PLCG2: variants seen among roughly 807,000 people sequenced by gnomAD.
The protein encoded by PLCG2 is 1-phosphatidylinositol 4,5-bisphosphate phosphodiesterase gamma-2.
A neutral mutation model predicts 175.6 loss-of-function variants in PLCG2; 69 were observed. The observed-to-expected ratio is 0.39, with a 90% CI of 0.32 to 0.48. PLCG2 has a LOEUF of 0.48. PLCG2 is among the 20% of genes least tolerant of loss of function. The pLI, the probability that PLCG2 is intolerant of heterozygous loss-of-function variation, is 0.91. For synonymous variants in PLCG2, 827 were observed against 624.0 expected (o/e 1.33, Z -4.85); for missense variants, 1,798 against 1,650.9 (o/e 1.09, Z -1.54).
intron 2 of PLCG2, among the ~76,000 whole-genome samples, chr16:81,849,609 A>G (rs1210750126): frequency 6.6e-6 from 1 of 151,976 alleles, no homozygotes; most frequent in Non-Finnish European, 1.5e-5. Context: ...AAATACACAT[A>G]CACACACACA....
At chr16:81,942,696 C>T (rs751512978) in intron 30 of PLCG2, among the ~76,000 whole-genome samples, 10 of 151,956 alleles carry the variant, frequency 6.6e-5, no homozygotes, top group South Asian at 2.1e-4. Context: ...ACTTTGAGGC[C>T]GAGAGACTAT....
At chr16:81,802,566 CT>C (rs922881500) in intron 2 of PLCG2, among the ~76,000 whole-genome samples, 1 of 151,988 alleles carries the variant, frequency 6.6e-6, no homozygotes, top group South Asian at 2.1e-4. Flanking sequence ...TGTTTTCTTT[CT>C]TTTTTTGTTT....
chr16:81,941,208 T>C (rs1910926150), intron 30 of PLCG2, among the ~76,000 whole-genome samples: 1 of 152,166 alleles, frequency 6.6e-6, no homozygotes, highest in Admixed American at 6.5e-5. Context: ...AGGAGCCCAG[T>C]TTCTGAGCAG....
chr16:81,891,449 G>A, intron 10 of PLCG2, 23 bp from the exon 11 acceptor site: 1 of 1,261,446 alleles, frequency 7.9e-7, no homozygotes, highest in Non-Finnish European at 1.2e-6. Flanking sequence ...TGATGATTCG[G>A]TCTTCGTGTT....
intron 13 of PLCG2, among the ~76,000 whole-genome samples, chr16:81,897,206 T>A (rs1908932039): frequency 6.6e-6 from 1 of 152,252 alleles, no homozygotes. Context: ...TTCCTTGTTA[T>A]TTCTGAGAGC....
At chr16:81,789,499 G>A (rs1376292699) in intron 2 of PLCG2, among the ~76,000 whole-genome samples, 3 of 151,814 alleles carry the variant, frequency 2.0e-5, no homozygotes, top group African/African-American at 7.3e-5. Context: ...ATGTTGCCGA[G>A]GCTGGTCTCC....
chr16:81,792,966 A>G (rs191858877), intron 2 of PLCG2, among the ~76,000 whole-genome samples: 37 of 152,342 alleles, frequency 2.4e-4, no homozygotes, highest in African/African-American at 8.9e-4. Flanking sequence ...AGTAGTTTCT[A>G]TCTTATTGGG....
chr16:81,935,110 C>G (rs989025239), intron 26 of PLCG2, among the ~76,000 whole-genome samples: 1 of 152,152 alleles, frequency 6.6e-6, no homozygotes. Flanking sequence ...AACATTTATT[C>G]TTGCACAGTC....
intron 1 of PLCG2, among the ~76,000 whole-genome samples, chr16:81,749,016 G>A (rs1334596967): frequency 6.6e-6 from 1 of 152,178 alleles, no homozygotes; most frequent in African/African-American, 2.4e-5. Flanking sequence ...GGTGGAAGAT[G>A]TGGGTGAGGT....
intron 30 of PLCG2, among the ~76,000 whole-genome samples, chr16:81,944,499 G>A (rs1466469844): frequency 6.6e-6 from 1 of 152,128 alleles, no homozygotes; most frequent in African/African-American, 2.4e-5. Context: ...TCTTCCCTCT[G>A]TCACTGAGGC....
At chr16:81,778,044 A>AAAAAAAAAAAC (rs1910510192), upstream of PLCG2, among the ~76,000 whole-genome samples, 3 of 83,806 alleles carry the variant, frequency 3.6e-5, no homozygotes, top group Non-Finnish European at 4.7e-5. Context: ...AAAAAAAAAC[A>AAAAAAAAAAAC]AAAAAAAAAA....
At chr16:81,904,183 C>G (rs2143639901) in intron 14 of PLCG2, among the ~76,000 whole-genome samples, 1 of 152,318 alleles carries the variant, frequency 6.6e-6, no homozygotes, top group African/African-American at 2.4e-5. Context: ...ACAAGGGACA[C>G]TGAGGTCCTG....
chr16:81,941,395 G>C (rs985609023), intron 30 of PLCG2, among the ~76,000 whole-genome samples: 2 of 152,180 alleles, frequency 1.3e-5, no homozygotes, highest in Non-Finnish European at 2.9e-5. Flanking sequence ...GTCAGCCCAG[G>C]GTGGGGCCAA....
At chr16:81,907,094 A>T (rs1413864977) in intron 15 of PLCG2, among the ~76,000 whole-genome samples, 1 of 151,968 alleles carries the variant, frequency 6.6e-6, no homozygotes. Flanking sequence ...ATACATATGT[A>T]AGAAACCTGC....
At chr16:81,934,590 A>G (rs1215027865) in intron 26 of PLCG2, 59 bp downstream of exon 26, 7 of 1,016,508 alleles carry the variant, frequency 6.9e-6, no homozygotes, top group African/African-American at 4.7e-5. Context: ...CTTCCTTTAG[A>G]GTCTGATATT....
Position 81,895,827 on chromosome 16 carries a change from G to A in PLCG2, c.1093G>A (p.Asp365Asn), listed in dbSNP as rs775728338. The stretch of plus-strand genomic sequence containing the variant: ...TGTAGTGGACTGCTGGGACGGGCCC[G>A]ATGGGAAGCCGGTCATCTACCATGG... ...CIELDCWDGP[D>N]GKPVIYHGWT... Residue 365 changes from aspartate to asparagine, a missense_variant, in exon 13 of 33, where the codon GAT (aspartate) becomes AAT (asparagine). Coordinates refer to ENST00000564138, the MANE Select transcript of PLCG2 (RefSeq NM_002661.5). 21 of 1,614,008 alleles carry A rather than the reference G, an allele frequency of 1.3e-5. No individual in the cohort carries two copies. Among genetic ancestry groups the A allele is most frequent in the Non-Finnish European group, 1.7e-5 (20 of 1,180,004 alleles).
intron 2 of PLCG2, among the ~76,000 whole-genome samples, chr16:81,773,297 C>T (rs1004538112): frequency 1.3e-5 from 2 of 152,192 alleles, no homozygotes; most frequent in Admixed American, 1.3e-4. Context: ...ACCTTGTCTG[C>T]ACCCCAACCA....
upstream of PLCG2, among the ~76,000 whole-genome samples, chr16:81,776,008 C>T (rs1381313103): frequency 2.0e-5 from 3 of 151,962 alleles, no homozygotes; most frequent in African/African-American, 7.3e-5. Context: ...CACTCTAGCC[C>T]TCTGACAGCT....
intron 2 of PLCG2, among the ~76,000 whole-genome samples, chr16:81,838,122 A>T (rs565564104): frequency 6.6e-6 from 1 of 151,176 alleles, no homozygotes; most frequent in African/African-American, 2.4e-5. Context: ...TCTGTTGCCC[A>T]GGCTAGAGTG....
Sources: gnomAD v4.1 joint callset for allele counts (sites outside exome capture counted in the v4.1 genomes callset) on GRCh38, gnomAD v4.1.1 for gene constraint, MANE v1.5 for transcripts, NCBI Gene and HGNC (gene_info 2026-07-23, HGNC 2026-07-21) for gene names.